Variants in BICRAL observed in about 807,000 individuals in gnomAD.
BICRAL encodes BRD4-interacting chromatin-remodeling complex-associated protein-like.
In BICRAL, 8 loss-of-function variants were observed where a neutral mutation model predicts 91.8. The observed-to-expected ratio is 0.09, with a 90% CI of 0.05 to 0.16. BICRAL has a LOEUF of 0.16. BICRAL is among the 10% of genes least tolerant of loss of function. The probability of loss-of-function intolerance (pLI) is 1.00; values close to 1 mark genes in which losing one functional copy is unlikely to be tolerated. For synonymous variants in BICRAL, 445 were observed against 491.1 expected, an observed-to-expected ratio of 0.91 and a Z score of 1.24; for missense variants, 1,038 against 1,310.9, an observed-to-expected ratio of 0.79 and a Z score of 3.21.
chr6:42,808,486 A>G (rs947952680), intron 1 of BICRAL, among the ~76,000 whole-genome samples: 10 of 152,236 alleles, frequency 6.6e-5, no homozygotes, highest in African/African-American at 2.2e-4. Flanking sequence ...GCTTGCTAAA[A>G]TAATCATGGA....
upstream of BICRAL, among the ~76,000 whole-genome samples, chr6:42,777,525 ACACT>A (rs1762823450): frequency 1.3e-5 from 2 of 152,216 alleles, no homozygotes; most frequent in African/African-American, 2.4e-5. Context: ...TGCTTCACAA[ACACT>A]CTATAGAACA....
chr6:42,766,063 C>G (rs539356754), intron 1 of BICRAL, among the ~76,000 whole-genome samples: 1 of 152,212 alleles, frequency 6.6e-6, no homozygotes, highest in Admixed American at 6.5e-5. Context: ...CCAGGCTGGT[C>G]TCGAACTCCT....
rs113698174 is a variant in BICRAL at position 42,747,805 on chromosome 6, G to A, written c.-261+782G>A. The stretch of plus-strand genomic sequence containing the variant: ...TGTTTTTGCTTTTTTGTTTTATTTT[G>A]TTTTTTTTTTTTTTTTTTGAGACGG... On this transcript the variant is annotated intron_variant, in intron 1 of 14. Coordinates refer to the BICRAL transcript ENST00000614467. Among the ~76,000 whole-genome samples, 517 of 125,302 alleles carry A rather than the reference G, an allele frequency of 4.1e-3. 1 individual carries two copies. The highest frequency in any genetic ancestry group is 0.014 in the African/African-American group (485 of 33,886). 82.2% of individuals were successfully genotyped at this position (125,302 alleles called of 152,430 possible).
At position 42,748,368 on chromosome 6, in the gene BICRAL, T is replaced by C. The variant is rs545214499; in HGVS notation, c.-261+1345T>C. ...AACGTTTGTAGCTAAAGAAGGTTTA[T>C]TGGACTTGGAGGTTGCAGCTGGAGT... On this transcript the variant is annotated intron_variant, in intron 1 of 14. Transcript: ENST00000614467. Among the ~76,000 whole-genome samples the C allele has an allele frequency of 9.2e-5, 14 of 152,330 alleles. No individual in the cohort carries two copies. In the South Asian group the frequency reaches 2.9e-3, roughly 32 times the overall value.
At chr6:42,795,773 T>A (rs1763400049) in intron 1 of BICRAL, among the ~76,000 whole-genome samples, 1 of 152,242 alleles carries the variant, frequency 6.6e-6, no homozygotes, top group Non-Finnish European at 1.5e-5. Context: ...CTTTCTAGAA[T>A]GTTTCTTTTC....
Position 42,865,408 on chromosome 6 carries a change from A to G in BICRAL, c.3202A>G (p.Ile1068Val). 6.2e-7 allele frequency: 1 copy of G among 1,613,498 alleles called. No homozygotes were observed. Among genetic ancestry groups the G allele is most frequent in the African/African-American group, 1.3e-5 (1 of 75,000 alleles). The change falls in exon 13 of 13, where the codon ATT (isoleucine) becomes GTT (valine). Residue 1068 changes from isoleucine to valine, a missense_variant. Transcript: ENST00000314073. ...HSEGVVETDSILEAAVNSILE... is the reference protein window; with the variant it reads ...HSEGVVETDSVLEAAVNSILE... ...TGAAGGTGTTGTAGAAACTGACTCC[A>G]TTTTAGAAGCAGCTGTAAATAGTAT...
At chr6:42,777,092 G>A (rs1018623498), upstream of BICRAL, among the ~76,000 whole-genome samples, 1 of 152,166 alleles carries the variant, frequency 6.6e-6, no homozygotes, top group South Asian at 2.1e-4. Context: ...TATCCAGGAG[G>A]GAACATAAGA....
chr6:42,851,853 T>C (rs1247943541), intron 6 of BICRAL, among the ~76,000 whole-genome samples: 1 of 152,142 alleles, frequency 6.6e-6, no homozygotes, highest in Non-Finnish European at 1.5e-5. Context: ...TAGCCTGGTA[T>C]CAACTCAGCA....
chr6:42,819,990 A>G (rs1435634589), intron 2 of BICRAL, among the ~76,000 whole-genome samples: 1 of 152,082 alleles, frequency 6.6e-6, no homozygotes, highest in African/African-American at 2.4e-5. Flanking sequence ...ATGGCTTTTA[A>G]TCTCATTCAA....
intron 8 of BICRAL, among the ~76,000 whole-genome samples, chr6:42,854,258 G>T (rs540760821): frequency 6.6e-6 from 1 of 152,180 alleles, no homozygotes; most frequent in Non-Finnish European, 1.5e-5. Flanking sequence ...GCATGCAGTA[G>T]TGCAATCACA....
chr6:42,790,351 T>TA (rs1197259896), intron 1 of BICRAL, among the ~76,000 whole-genome samples: 3 of 141,302 alleles, frequency 2.1e-5, no homozygotes, highest in African/African-American at 5.1e-5. Flanking sequence ...TTTTTTTTTT[T>TA]TTTTGTAGAG....
At chr6:42,825,620 T>G (rs1764273764) in intron 5 of BICRAL, among the ~76,000 whole-genome samples, 1 of 150,808 alleles carries the variant, frequency 6.6e-6, no homozygotes, top group Non-Finnish European at 1.5e-5. Flanking sequence ...ATAGTCCCAG[T>G]CCTGCTGAGG....
intron 1 of BICRAL, among the ~76,000 whole-genome samples, chr6:42,750,121 C>T (rs1378560707): frequency 6.6e-6 from 1 of 151,910 alleles, no homozygotes; most frequent in Non-Finnish European, 1.5e-5. Flanking sequence ...CCTCTGCCTC[C>T]CAAGGTTCTG....
In BICRAL at chr6:42,801,220, C is replaced by T. The variant is rs531991973; in HGVS notation, c.-101-9086C>T. ...GAGCCGAGATCAAGCCACTGCACTC[C>T]AGCCTGGCTGGCAGAGCGAGACTCT... On this transcript the variant is annotated intron_variant, in intron 1 of 12. Transcript: ENST00000314073. Among the ~76,000 whole-genome samples the T allele has an allele frequency of 2.0e-5, 3 of 148,824 alleles. No homozygotes were observed. The South Asian group carries it at 6.3e-4, about 31-fold the overall frequency.
chr6:42,826,728 A>G (rs1437666100), intron 5 of BICRAL, among the ~76,000 whole-genome samples: 3 of 151,854 alleles, frequency 2.0e-5, no homozygotes, highest in Non-Finnish European at 4.4e-5. Context: ...CCTACCACTT[A>G]TTAGCCATGT....
rs557077356 is a variant in BICRAL, at chr6:42,830,551, CCT to C, written c.1839+380_1839+381del. Among the ~76,000 whole-genome samples the C allele has an allele frequency of 7.1e-3, 1,045 of 146,560 alleles. 5 individuals are homozygous for C. The highest frequency in any genetic ancestry group is 0.023 in the African/African-American group (919 of 40,502). On this transcript the variant is annotated intron_variant, in intron 6 of 12. Coordinates refer to ENST00000314073, the MANE Select transcript of BICRAL (RefSeq NM_001393499.1). ...ACTGCACTGGGTGATAGAGTGAGAC[CCT>C]GTCTCAAAAAAAAAAAATTTTTTTT...
chr6:42,793,395 A>T (rs374019904), intron 1 of BICRAL, among the ~76,000 whole-genome samples: 1 of 131,696 alleles, frequency 7.6e-6, no homozygotes, highest in African/African-American at 2.9e-5. Context: ...CTCATGATCC[A>T]CCCGCCTCGG....
intron 6 of BICRAL, among the ~76,000 whole-genome samples, chr6:42,850,509 G>A (rs1252935009): frequency 2.7e-5 from 4 of 150,536 alleles, no homozygotes; most frequent in East Asian, 2.0e-4. Context: ...AACGGAGCAC[G>A]ACTTCATCTT....
chr6:42,788,513 T>C (rs6930986), intron 1 of BICRAL, among the ~76,000 whole-genome samples: 16,241 of 151,972 alleles, frequency 0.11, 1,623 homozygotes, highest in African/African-American at 0.26. Context: ...TGAGCCACCA[T>C]GCCTGGCCGG....
Sources: gnomAD v4.1 joint callset for allele counts (sites outside exome capture counted in the v4.1 genomes callset) on GRCh38, gnomAD v4.1.1 for gene constraint, MANE v1.5 for transcripts, NCBI Gene and HGNC (gene_info 2026-07-23, HGNC 2026-07-21) for gene names.